The following PROX1 variants were observed in gnomAD, a reference collection of about 807,000 sequenced individuals.
PROX1 encodes the protein prospero homeobox 1, also known as prospero homeobox protein 1.
A neutral mutation model predicts 58.8 loss-of-function variants in PROX1; 7 were observed. The observed-to-expected ratio is 0.12, with a 90% CI of 0.07 to 0.22. The LOEUF (loss-of-function observed/expected upper bound fraction) is 0.22. PROX1 is among the 10% of genes least tolerant of loss of function. The pLI, the probability that PROX1 is intolerant of heterozygous loss-of-function variation, is 1.00. For missense variants in PROX1, 675 were observed against 927.8 expected, an observed-to-expected ratio of 0.73 and a Z score of 3.54; for synonymous variants, 350 against 358.3, an observed-to-expected ratio of 0.98 and a Z score of 0.26.
rs1338429180 is a variant in PROX1 at position 213,996,687 on chromosome 1, A to G, written c.152A>G (p.Glu51Gly). The change falls in exon 2 of 5, where the codon GAG becomes GGG. Residue 51 changes from glutamate (E) to glycine (G), a missense_variant. Coordinates refer to ENST00000366958, the MANE Select transcript of PROX1 (RefSeq NM_001270616.2). ...AGTGCCATGAATCCCCAAGGTTCTG[A>G]GCAGGATGTTGAGTATTCAGTGGTG... ...FFSAMNPQGSEQDVEYSVVQH... is the reference protein window; with the variant it reads ...FFSAMNPQGSGQDVEYSVVQH... The G allele has an allele frequency of 6.2e-7, 1 of 1,614,104 alleles. No homozygotes were observed. The highest frequency in any genetic ancestry group is 1.3e-5 in the African/African-American group (1 of 74,936).
chr1:213,995,351 T>C (rs977473971), intron 1 of PROX1, among the ~76,000 whole-genome samples: 2 of 152,218 alleles, frequency 1.3e-5, no homozygotes, highest in Non-Finnish European at 2.9e-5. Flanking sequence ...CTTTTTATAC[T>C]GTGTTTCCAA....
In PROX1 at chr1:213,998,102, A is replaced by G. The variant is rs1663351179; in HGVS notation, c.1567A>G (p.Ser523Gly). Residue 523 changes from serine to glycine, a missense_variant, in exon 2 of 5, where the codon AGT becomes GGT. Ser to Gly is a moderately conservative substitution (Grantham distance 56, BLOSUM62 0). This residue lies in a region of PROX1 where 403 missense variants were observed against 477.4 expected (regional missense o/e 0.84). Transcript: ENST00000366958. The part of the protein sequence containing the change: ...ESLDLTRDTT[S>G]LRTKMSSHHL... Reference sequence around the variant, plus strand: ...CTTAGACTTAACTAGGGATACCACGAGTCTGAGGACCAAGATGTCATCTCA... The same window carrying G: ...CTTAGACTTAACTAGGGATACCACGGGTCTGAGGACCAAGATGTCATCTCA... 6.2e-7 allele frequency: 1 copy of G among 1,614,226 alleles called. No homozygotes were observed. The highest frequency in any genetic ancestry group is 8.5e-7 in the Non-Finnish European group (1 of 1,180,042).
intron 1 of PROX1, 95 bp from the exon 2 acceptor site, chr1:213,996,374 G>A: frequency 1.4e-6 from 1 of 737,226 alleles, no homozygotes; most frequent in South Asian, 2.3e-5. Flanking sequence ...AAATCCCAGA[G>A]CCTATGCATT....
rs1664848555 is a variant in PROX1, at chr1:214,036,948, A to G, written c.*1114A>G. 1 of 152,230 alleles carries G rather than the reference A, an allele frequency of 6.6e-6. No homozygotes were observed. Among genetic ancestry groups the G allele is most frequent in the African/African-American group, 2.4e-5 (1 of 41,458 alleles). The allele number at this position is 152,230 out of a possible 1,614,324, so 9.4% of individuals were successfully genotyped here. A position where few individuals can be genotyped will look rare whatever the true frequency, so the allele number is the denominator to read the frequency against. ...GGGTATGCAAAGTGGTGACAGTCTA[A>G]CTCAGTGTTTCTTCATTTTAGGTAT... On this transcript the variant is annotated 3_prime_UTR_variant, in exon 5 of 5. Transcript: ENST00000366958.
rs1305074442 is a variant in PROX1, at chr1:214,038,824, T to C, written c.*2990T>C. On this transcript the variant is annotated 3_prime_UTR_variant, in exon 5 of 5. Coordinates refer to ENST00000366958, the MANE Select transcript of PROX1 (RefSeq NM_001270616.2). The stretch of plus-strand genomic sequence containing the variant: ...ATAACGTTGATAGCTATGCATATTT[T>C]GTGTCTTTTTAAAACAAAGCGGGAG... 2 of 152,368 alleles carry C rather than the reference T, an allele frequency of 1.3e-5. No homozygotes were observed. The highest frequency in any genetic ancestry group is 3.9e-4 in the East Asian group (2 of 5,192). The allele number at this position is 152,368 out of a possible 1,614,324, so 9.4% of individuals were successfully genotyped here.
rs531452043 is a variant in PROX1 at position 214,016,131 on chromosome 1, C to T, written c.2028+4416C>T. Reference sequence around the variant, plus strand: ...TGACACATGACAGGGAAGAAGGGTACTTCCGCACACCTTTGAATGTGTTTT... The same window carrying T: ...TGACACATGACAGGGAAGAAGGGTATTTCCGCACACCTTTGAATGTGTTTT... On this transcript the variant is annotated intron_variant, in intron 4 of 4. Coordinates refer to ENST00000366958, the MANE Select transcript of PROX1 (RefSeq NM_001270616.2). Among the ~76,000 whole-genome samples the T allele has an allele frequency of 4.2e-4, 64 of 152,226 alleles. No homozygotes were observed. In the Middle Eastern group the frequency reaches 0.014, roughly 32 times the overall value.
At chr1:213,998,941 C>G (rs1663391168) in intron 2 of PROX1, among the ~76,000 whole-genome samples, 8 of 152,064 alleles carry the variant, frequency 5.3e-5, no homozygotes. Context: ...TCCCGTTCAC[C>G]CAAGGTCTGT....
rs376758059 is a variant in PROX1, at chr1:213,998,343, A to G, written c.1725+83A>G. ...TTGGGTTTACACAATATCTAGAGTAATGTAGATTAGTATCTTCTTAAGAAG... is the reference window on the plus strand; with the variant it reads ...TTGGGTTTACACAATATCTAGAGTAGTGTAGATTAGTATCTTCTTAAGAAG... On this transcript the variant is annotated intron_variant, in intron 2 of 4. Transcript: ENST00000366958. 114 of 1,406,670 alleles carry G rather than the reference A, an allele frequency of 8.1e-5. No individual in the cohort carries two copies. In the East Asian group the frequency reaches 1.2e-3, roughly 15 times the overall value. The allele number at this position is 1,406,670 out of a possible 1,614,324, so 87.1% of individuals were successfully genotyped here. A position where few individuals can be genotyped will look rare whatever the true frequency, so the allele number is the denominator to read the frequency against.
At chr1:213,995,031 G>T (rs1415245796) in intron 1 of PROX1, among the ~76,000 whole-genome samples, 1 of 151,904 alleles carries the variant, frequency 6.6e-6, no homozygotes, top group Non-Finnish European at 1.5e-5. Context: ...GCTAGCCACA[G>T]ATGCAGTCCT....
intron 4 of PROX1, among the ~76,000 whole-genome samples, chr1:214,015,655 T>C (rs991137309): frequency 1.3e-5 from 2 of 151,984 alleles, no homozygotes; most frequent in South Asian, 2.1e-4. Context: ...CAAAGGTTAA[T>C]TGCACAACGT....
chr1:214,016,726 A>T (rs1664110405), intron 4 of PROX1, among the ~76,000 whole-genome samples: 1 of 152,110 alleles, frequency 6.6e-6, no homozygotes, highest in Non-Finnish European at 1.5e-5. Context: ...CAGTAAAGAC[A>T]CCAGGTTGGA....
intron 4 of PROX1, 47 bp from the exon 5 acceptor site, chr1:214,035,602 T>C: frequency 6.4e-7 from 1 of 1,557,188 alleles, no homozygotes; most frequent in Non-Finnish European, 8.7e-7. Context: ...AACTGTAGAC[T>C]TGAAACTGAA....
Position 214,036,022 on chromosome 1 carries a change from G to A in PROX1, c.*188G>A. 1 of 487,140 alleles carries A rather than the reference G, an allele frequency of 2.1e-6. No individual in the cohort carries two copies. Among genetic ancestry groups the A allele is most frequent in the Non-Finnish European group, 3.4e-6 (1 of 295,904 alleles). The allele number at this position is 487,140 out of a possible 1,614,324, so 30.2% of individuals were successfully genotyped here. ...TTTTGTTTTCCATTGCAAGGGGATG[G>A]TTGTTTTCTTTCTGCCTTTAGTTTG... On this transcript the variant is annotated 3_prime_UTR_variant, in exon 5 of 5. Transcript: ENST00000366958.
At chr1:214,013,446 A>G (rs187384108) in intron 4 of PROX1, among the ~76,000 whole-genome samples, 7 of 152,330 alleles carry the variant, frequency 4.6e-5, no homozygotes, top group Admixed American at 3.9e-4. Context: ...ACATGATGAC[A>G]TAAGTATCTG....
At chr1:213,984,002 T>G (rs1450691544), upstream of PROX1, 1 of 152,244 alleles carries the variant, frequency 6.6e-6, no homozygotes, top group Non-Finnish European at 1.5e-5. Flanking sequence ...CAGCCCTCCA[T>G]GTGCTCACCA....
chr1:214,028,092 A>G (rs1345398819), intron 4 of PROX1, among the ~76,000 whole-genome samples: 1 of 152,172 alleles, frequency 6.6e-6, no homozygotes, highest in Non-Finnish European at 1.5e-5. Context: ...TGAAAGCTGA[A>G]TGCCACCTGG....
Position 213,994,886 on chromosome 1 carries a change from G to T in PROX1, c.-67-1583G>T, listed in dbSNP as rs903098126. 2.7e-5 allele frequency among the ~76,000 whole-genome samples: 4 copies of T among 149,112 alleles called. No homozygotes were observed. In the Admixed American group the frequency reaches 2.7e-4, roughly 10 times the overall value. On this transcript the variant is annotated intron_variant, in intron 1 of 4. Transcript: ENST00000366958. ...TCTTTCTATAGAAACCAGGAGCAAA[G>T]ATTTCATGAGGAAATCACTGTCACT...
At chr1:214,029,201 C>T (rs962160270) in intron 4 of PROX1, 1 of 152,230 alleles carries the variant, frequency 6.6e-6, no homozygotes, top group Non-Finnish European at 1.5e-5. Context: ...TTGTCTCCTT[C>T]CCTAAGATTT....
At chr1:214,029,383 G>C (rs1400582804) in intron 4 of PROX1, 1 of 152,068 alleles carries the variant, frequency 6.6e-6, no homozygotes. Context: ...GCAAAGTTTG[G>C]TTCTTCTTTT....
Sources: allele counts gnomAD v4.1 joint callset (sites outside exome capture counted in the v4.1 genomes callset), GRCh38; gene constraint gnomAD v4.1.1; regional missense constraint gnomAD v4.1.1; transcripts MANE v1.5; gene names NCBI Gene and HGNC (gene_info 2026-07-23, HGNC 2026-07-21).